Variants in TMEM45B observed in about 807,000 individuals in gnomAD.
TMEM45B encodes transmembrane protein 45B.
Under a neutral mutation model 27.3 loss-of-function variants are expected in TMEM45B, and 29 were observed. The ratio of observed to expected loss-of-function variants is 1.06; its 90% CI spans 0.79 to 1.45. The LOEUF (loss-of-function observed/expected upper bound fraction) is 1.45. Ranked by LOEUF, TMEM45B falls within the 40% of genes most tolerant of loss-of-function variation. TMEM45B has a pLI of 0.00. For missense variants in TMEM45B, 348 were observed against 343.9 expected (o/e 1.01, Z -0.09); for synonymous variants, 143 against 134.7 (o/e 1.06, Z -0.43).
chr11:129,855,713 CTCT>C lies in TMEM45B; in HGVS notation c.395_397del (p.Phe132del). 6.2e-7 allele frequency: 1 copy of C among 1,613,922 alleles called. No homozygotes were observed. The highest frequency in any genetic ancestry group is 8.5e-7 in the Non-Finnish European group (1 of 1,179,862). On this transcript the variant is annotated inframe_deletion, in exon 4 of 6. Coordinates refer to ENST00000281441, the MANE Select transcript of TMEM45B (RefSeq NM_138788.5). ...TGCCATCTGGTTTGTGGCAGGTTTC[CTCT>C]TCTACTACCACGTCCACAACCGGCC... is the stretch of plus-strand genomic sequence containing the variant.
At chr11:129,851,533 A>G (rs1455115856) in intron 1 of TMEM45B, among the ~76,000 whole-genome samples, 1 of 128,256 alleles carries the variant, frequency 7.8e-6, no homozygotes, top group Non-Finnish European at 1.6e-5. Context: ...GACAGAGTGA[A>G]ACTCTGCCTC....
intron 1 of TMEM45B, among the ~76,000 whole-genome samples, chr11:129,837,941 C>A (rs949723440): frequency 3.3e-5 from 5 of 151,766 alleles, no homozygotes; most frequent in African/African-American, 1.2e-4. Context: ...GCCACCATGC[C>A]CAGCTAATTT....
chr11:129,857,082 A>C (rs1947939183), intron 4 of TMEM45B, among the ~76,000 whole-genome samples: 1 of 151,738 alleles, frequency 6.6e-6, no homozygotes. Flanking sequence ...TTGAACTCCT[A>C]ACCTTGTAAA....
chr11:129,858,704 C>A lies in TMEM45B; in HGVS notation c.*19C>A. 6.6e-7 allele frequency: 1 copy of A among 1,513,310 alleles called. No individual in the cohort carries two copies. Among genetic ancestry groups the A allele is most frequent in the South Asian group, 1.2e-5 (1 of 83,158 alleles). 93.7% of individuals were successfully genotyped at this position (1,513,310 alleles called of 1,614,324 possible). On this transcript the variant is annotated 3_prime_UTR_variant, in exon 6 of 6. Transcript: ENST00000281441. ...GGAATGAGCCGAGATGCGGAGGGCG[C>A]AGATGTCCCACTGCACAGCTGGAAT... is the stretch of plus-strand genomic sequence containing the variant.
intron 5 of TMEM45B, 90 bp downstream of exon 5, chr11:129,857,548 A>G (rs1947948245): frequency 6.8e-7 from 1 of 1,474,164 alleles, no homozygotes; most frequent in Non-Finnish European, 9.3e-7. Context: ...TGCCGACTAC[A>G]GGCCAAATTC....
intron 5 of TMEM45B, 105 bp from the exon 6 acceptor site, chr11:129,858,469 G>A (rs531013693): frequency 2.8e-6 from 2 of 709,186 alleles, no homozygotes; most frequent in East Asian, 3.0e-5. Context: ...GTATTTGATA[G>A]AAATATAAAG....
At chr11:129,855,584 C>A in intron 3 of TMEM45B, 124 bp from the exon 4 acceptor site, 1 of 864,064 alleles carries the variant, frequency 1.2e-6, no homozygotes, top group Non-Finnish European at 1.9e-6. Flanking sequence ...CTGTTTGCTG[C>A]CTGTAATGTT....
chr11:129,828,454 C>T (rs1947512171), intron 1 of TMEM45B, among the ~76,000 whole-genome samples: 1 of 152,154 alleles, frequency 6.6e-6, no homozygotes, highest in African/African-American at 2.4e-5. Flanking sequence ...GCCCCTGAGC[C>T]CACTGTAGAG....
chr11:129,841,101 T>A (rs1170554572), intron 1 of TMEM45B, among the ~76,000 whole-genome samples: 1 of 151,968 alleles, frequency 6.6e-6, no homozygotes, highest in East Asian at 1.9e-4. Context: ...AACTACTAGA[T>A]CTTCAGGCAA....
chr11:129,841,763 AT>A (rs1423503279), intron 1 of TMEM45B, among the ~76,000 whole-genome samples: 1 of 151,448 alleles, frequency 6.6e-6, no homozygotes, highest in East Asian at 1.9e-4. Flanking sequence ...CGCCCGGCTA[AT>A]TTTTTGTATT....
At chr11:129,829,359 C>A (rs998789465) in intron 1 of TMEM45B, among the ~76,000 whole-genome samples, 6 of 152,188 alleles carry the variant, frequency 3.9e-5, no homozygotes, top group African/African-American at 1.2e-4. Context: ...GGTTTCTATC[C>A]TTTCCCTGAA....
intron 1 of TMEM45B, among the ~76,000 whole-genome samples, chr11:129,830,926 A>G (rs1947539510): frequency 1.3e-5 from 2 of 152,202 alleles, no homozygotes; most frequent in Non-Finnish European, 2.9e-5. Context: ...CATCTGACCA[A>G]GTATTCCACT....
rs1947900197 is a variant in TMEM45B at position 129,854,917 on chromosome 11, TC to T, written c.385+106del. ...CAGAAATGTTGCAAATATAATAACC[TC>T]CCCCAGAAAATCCACATCTCTGGAC... On this transcript the variant is annotated intron_variant, in intron 3 of 5. Transcript: ENST00000281441. 5.8e-6 allele frequency: 8 copies of T among 1,386,188 alleles called. No individual in the cohort carries two copies. The Admixed American group carries it at 9.6e-5, about 17-fold the overall frequency. 85.9% of individuals were successfully genotyped at this position (1,386,188 alleles called of 1,614,324 possible). A position where few individuals can be genotyped will look rare whatever the true frequency, so the allele number is the denominator to read the frequency against.
chr11:129,829,425 T>G (rs2135562047), intron 1 of TMEM45B, among the ~76,000 whole-genome samples: 1 of 152,246 alleles, frequency 6.6e-6, no homozygotes, highest in East Asian at 1.9e-4. Flanking sequence ...AAGTATATTC[T>G]TTTGGTCAGT....
chr11:129,858,665 A>C lies in TMEM45B; in HGVS notation c.808A>C (p.Ser270Arg), dbSNP rs1565376452. 6.4e-7 allele frequency: 1 copy of C among 1,564,270 alleles called. No individual in the cohort carries two copies. The highest frequency in any genetic ancestry group is 2.3e-5 in the East Asian group (1 of 43,132). Residue 270 changes from serine to arginine, a missense_variant, in exon 6 of 6, where the codon AGT (serine) becomes CGT (arginine). Ser to Arg is a moderately radical substitution (Grantham distance 110). Coordinates refer to ENST00000281441, the MANE Select transcript of TMEM45B (RefSeq NM_138788.5). ...TGACACTTACCAGACCGCCCTCTTG[A>C]GTGGCTCAGATGAGGAATGAGCCGA... The part of the protein sequence containing the change: ...SDDTYQTALL[S>R]GSDEE
chr11:129,848,601 A>C (rs1029088485), intron 1 of TMEM45B, among the ~76,000 whole-genome samples: 1 of 152,164 alleles, frequency 6.6e-6, no homozygotes, highest in Non-Finnish European at 1.5e-5. Flanking sequence ...AGCCCTGACA[A>C]TGTAGCTGGT....
intron 4 of TMEM45B, among the ~76,000 whole-genome samples, chr11:129,856,841 G>C (rs1201450522): frequency 6.9e-6 from 1 of 145,514 alleles, no homozygotes; most frequent in Non-Finnish European, 1.5e-5. Flanking sequence ...TTACAGGCAT[G>C]AGCCACCGCG....
At chr11:129,835,895 A>C (rs1947613814) in intron 1 of TMEM45B, among the ~76,000 whole-genome samples, 1 of 152,226 alleles carries the variant, frequency 6.6e-6, no homozygotes, top group Non-Finnish European at 1.5e-5. Context: ...AGGCAGGTGG[A>C]TGACCTGAGA....
intron 2 of TMEM45B, among the ~76,000 whole-genome samples, chr11:129,854,092 C>T (rs946658111): frequency 1.2e-4 from 18 of 152,178 alleles, no homozygotes; most frequent in East Asian, 1.9e-4. Flanking sequence ...AGGAAGGACA[C>T]GCACTCAAAA....
Sources: gnomAD v4.1 joint callset for allele counts (sites outside exome capture counted in the v4.1 genomes callset) on GRCh38, gnomAD v4.1.1 for gene constraint, MANE v1.5 for transcripts, NCBI Gene and HGNC (gene_info 2026-07-23, HGNC 2026-07-21) for gene names.